Variants in WARS1 observed in about 807,000 individuals in gnomAD.
WARS1 encodes the protein tryptophan--tRNA ligase, cytoplasmic.
A neutral mutation model predicts 47.8 loss-of-function variants in WARS1; 17 were observed. The observed-to-expected ratio is 0.36, with a 90% CI of 0.24 to 0.53. The LOEUF (loss-of-function observed/expected upper bound fraction) is 0.53. Among genes scored for constraint, WARS1 ranks in the 20% least tolerant of loss-of-function variants. The pLI, the probability that WARS1 is intolerant of heterozygous loss-of-function variation, is 0.91. For missense variants in WARS1, 434 were observed against 608.0 expected, an observed-to-expected ratio of 0.71 and a Z score of 3.01; for synonymous variants, 208 against 228.1, an observed-to-expected ratio of 0.91 and a Z score of 0.79.
intron 7 of WARS1, among the ~76,000 whole-genome samples, chr14:100,345,582 CT>C (rs1894549393): frequency 6.6e-6 from 1 of 151,862 alleles, no homozygotes; most frequent in Admixed American, 6.6e-5. Context: ...ACTTGTTTAT[CT>C]GCTGACCTTC....
rs192165610 is a variant in WARS1, at chr14:100,367,328, G to A, written c.99+1759C>T. 7.6e-4 allele frequency among the ~76,000 whole-genome samples: 115 copies of A among 152,222 alleles called. 2 individuals are homozygous for A. The East Asian group carries it at 0.019, about 26-fold the overall frequency. On this transcript the variant is annotated intron_variant, in intron 2 of 10. Transcript: ENST00000392882. Reference sequence around the variant, plus strand: ...AGGCAGGCTGAGTGTGGTGGCTCACGCCTGTAATCCCAGCACTTTCGGAGG... The same window carrying A: ...AGGCAGGCTGAGTGTGGTGGCTCACACCTGTAATCCCAGCACTTTCGGAGG...
upstream of WARS1, chr14:100,375,864 T>C (rs1195824377): frequency 6.6e-6 from 1 of 152,318 alleles, no homozygotes; most frequent in Non-Finnish European, 1.5e-5. Flanking sequence ...ATTACTTTTC[T>C]GCTTCCCCTT....
intron 2 of WARS1, chr14:100,366,973 T>C: frequency 7.1e-7 from 1 of 1,416,344 alleles, no homozygotes; most frequent in South Asian, 1.2e-5. Context: ...CAAAATAAGA[T>C]TTCTTCACTG....
intron 3 of WARS1, among the ~76,000 whole-genome samples, chr14:100,361,341 T>C (rs181160364): frequency 1.3e-5 from 2 of 152,326 alleles, no homozygotes; most frequent in East Asian, 1.9e-4. Flanking sequence ...TCTAGGTCCA[T>C]AGTCAGTATC....
chr14:100,346,607 G>T (rs972477540), intron 7 of WARS1, 139 bp downstream of exon 7: 1 of 662,854 alleles, frequency 1.5e-6, no homozygotes. Context: ...ACCCACCCAC[G>T]CCTGGGCATC....
At chr14:100,359,162 C>T (rs928059072) in intron 4 of WARS1, among the ~76,000 whole-genome samples, 6 of 152,170 alleles carry the variant, frequency 3.9e-5, no homozygotes, top group African/African-American at 7.2e-5. Context: ...AATTCTATTT[C>T]GAGGTATATG....
intron 4 of WARS1, among the ~76,000 whole-genome samples, chr14:100,359,704 A>C (rs561407043): frequency 5.9e-5 from 9 of 152,198 alleles, no homozygotes; most frequent in Non-Finnish European, 1.2e-4. Context: ...AATGTTTTGG[A>C]ATTAGATAGT....
At chr14:100,339,459 G>A (rs1370748673) in intron 9 of WARS1, among the ~76,000 whole-genome samples, 2 of 151,936 alleles carry the variant, frequency 1.3e-5, no homozygotes, top group Admixed American at 6.6e-5. Context: ...GTGTGGTGGT[G>A]GGCGCCTGTA....
intron 9 of WARS1, among the ~76,000 whole-genome samples, chr14:100,339,426 C>CT (rs1243469992): frequency 6.6e-5 from 10 of 151,542 alleles, no homozygotes; most frequent in South Asian, 2.1e-4. Flanking sequence ...CCCGTCTCTA[C>CT]CAAAATACAA....
At chr14:100,344,061 T>C (rs1403397778) in intron 7 of WARS1, among the ~76,000 whole-genome samples, 3 of 17,694 alleles carry the variant, frequency 1.7e-4, no homozygotes, top group East Asian at 7.7e-3. Context: ...TTATGATGGC[T>C]TCCCTCTTCC....
intron 2 of WARS1, 73 bp from the exon 3 acceptor site, chr14:100,361,994 G>T: frequency 6.7e-7 from 1 of 1,491,456 alleles, no homozygotes; most frequent in Non-Finnish European, 9.3e-7. Flanking sequence ...CTATTCTGTG[G>T]CAGGCACTGT....
intron 9 of WARS1, among the ~76,000 whole-genome samples, chr14:100,341,377 G>A (rs1894152468): frequency 6.6e-6 from 1 of 152,224 alleles, no homozygotes; most frequent in South Asian, 2.1e-4. Context: ...ACTGAGTGGG[G>A]AGAGTTGGTG....
Position 100,343,322 on chromosome 14 carries a change from G to A in WARS1, c.892C>T (p.Arg298Ter). The A allele has an allele frequency of 1.9e-6, 3 of 1,613,262 alleles. No individual in the cohort carries two copies. The highest frequency in any genetic ancestry group is 1.7e-6 in the Non-Finnish European group (2 of 1,179,444). ...SFSNSFPQIF[R>*]DRTDIQCLIP... ...AGGCACTGGATATCCGTCCTGTCTC[G>A]GAAGATCTGTGGGAATGAGTTGCTG... Residue 298 changes from arginine to a stop codon, truncating the protein, a stop_gained, in exon 8 of 11, where the codon CGA becomes TGA. Coordinates refer to ENST00000392882, the MANE Select transcript of WARS1 (RefSeq NM_004184.4). LOFTEE classifies it high-confidence loss of function.
At chr14:100,366,759 G>A in intron 2 of WARS1, 1 of 961,266 alleles carries the variant, frequency 1.0e-6, no homozygotes, top group Non-Finnish European at 1.7e-6. Context: ...AGGGATCCGT[G>A]GGGCCACAAT....
intron 2 of WARS1, among the ~76,000 whole-genome samples, chr14:100,368,776 C>T (rs1477553117): frequency 3.7e-5 from 3 of 82,038 alleles, no homozygotes; most frequent in Non-Finnish European, 9.0e-5. Flanking sequence ...GCCTGACCAA[C>T]GTGGTGAAAC....
chr14:100,345,311 A>AT (rs1894524527), intron 7 of WARS1, among the ~76,000 whole-genome samples: 1 of 152,100 alleles, frequency 6.6e-6, no homozygotes, highest in Admixed American at 6.6e-5. Context: ...GAGACTTTTC[A>AT]TTTTGCTCTG....
chr14:100,360,497 T>G (rs1895594528), intron 4 of WARS1, 57 bp downstream of exon 4: 3 of 1,413,358 alleles, frequency 2.1e-6, no homozygotes. Flanking sequence ...GTCTTACGAT[T>G]TTTTTGAACT....
intron 2 of WARS1, among the ~76,000 whole-genome samples, chr14:100,367,655 C>T (rs1431407072): frequency 6.6e-6 from 1 of 150,594 alleles, no homozygotes; most frequent in African/African-American, 2.4e-5. Flanking sequence ...AACCTGCATC[C>T]CATGAAATTT....
chr14:100,361,336 G>A (rs1454642494), intron 3 of WARS1, among the ~76,000 whole-genome samples: 2 of 152,182 alleles, frequency 1.3e-5, no homozygotes, highest in African/African-American at 2.4e-5. Context: ...AGCCTTCTAG[G>A]TCCATAGTCA....
Sources: allele counts gnomAD v4.1 joint callset (sites outside exome capture counted in the v4.1 genomes callset), GRCh38; gene constraint gnomAD v4.1.1; transcripts MANE v1.5; gene names NCBI Gene and HGNC (gene_info 2026-07-23, HGNC 2026-07-21).